EHMT1: variants seen among roughly 807,000 people sequenced by gnomAD.
EHMT1 encodes the protein euchromatic histone lysine methyltransferase 1, also known as histone-lysine N-methyltransferase EHMT1.
In EHMT1, 15 loss-of-function variants were observed where a neutral mutation model predicts 147.2. The ratio of observed to expected loss-of-function variants is 0.10; its 90% CI spans 0.07 to 0.16. The LOEUF is 0.16. Ranked by LOEUF, EHMT1 falls within the 10% of genes least tolerant of loss-of-function variation. The probability of loss-of-function intolerance (pLI) is 1.00; values close to 1 mark genes in which losing one functional copy is unlikely to be tolerated. For synonymous variants in EHMT1, 795 were observed against 709.6 expected (o/e 1.12, Z -1.91); for missense variants, 1,587 against 1,772.4 (o/e 0.90, Z 1.88).
intron 1 of EHMT1, chr9:137,676,540 ATT>A (rs1941344126): frequency 2.0e-5 from 3 of 152,216 alleles, no homozygotes; most frequent in Non-Finnish European, 2.9e-5. Flanking sequence ...TAATTTTTAC[ATT>A]ATCTGTAGAG....
intron 1 of EHMT1, among the ~76,000 whole-genome samples, chr9:137,636,718 C>T (rs889204000): frequency 6.6e-6 from 1 of 152,170 alleles, no homozygotes; most frequent in Non-Finnish European, 1.5e-5. Flanking sequence ...ACCAGCCCTG[C>T]GTTTCTGCCC....
intron 3 of EHMT1, among the ~76,000 whole-genome samples, chr9:137,728,105 T>C (rs768348358): frequency 6.6e-6 from 1 of 152,222 alleles, no homozygotes; most frequent in African/African-American, 2.4e-5. Context: ...CCTTTAGCCC[T>C]GTAAATGCTG....
chr9:137,718,779 G>A (rs544963342), intron 3 of EHMT1, among the ~76,000 whole-genome samples: 5 of 141,024 alleles, frequency 3.5e-5, no homozygotes, highest in East Asian at 2.0e-4. Context: ...TTTTTGAGAC[G>A]GAGTCTTGCT....
intron 1 of EHMT1, among the ~76,000 whole-genome samples, chr9:137,669,178 T>C (rs1027422702): frequency 6.6e-6 from 1 of 152,124 alleles, no homozygotes; most frequent in Non-Finnish European, 1.5e-5. Context: ...TGAGCCACTG[T>C]TCCCGGCCTA....
chr9:137,747,634 AAAG>A (rs1275854877), intron 6 of EHMT1: 2 of 152,236 alleles, frequency 1.3e-5, no homozygotes, highest in African/African-American at 2.4e-5. Context: ...TGTTTTTAAA[AAAG>A]GCATTTTATA....
rs1748061155 is a variant in EHMT1, at chr9:137,768,776, T to A, written c.1647+5956T>A. Among the ~76,000 whole-genome samples the A allele has an allele frequency of 2.0e-5, 3 of 151,524 alleles. No homozygotes were observed. The South Asian group carries it at 6.3e-4, about 32-fold the overall frequency. On this transcript the variant is annotated intron_variant, in intron 10 of 26. Transcript: ENST00000460843. ...GTTTTTAGCCGGGATGGTCTCGATCTCCTGACCTCGTGATCCGCCCGCCTC... is the reference window on the plus strand; with the variant it reads ...GTTTTTAGCCGGGATGGTCTCGATCACCTGACCTCGTGATCCGCCCGCCTC...
At chr9:137,619,882 T>A (rs935660304) in intron 1 of EHMT1, among the ~76,000 whole-genome samples, 2 of 151,990 alleles carry the variant, frequency 1.3e-5, no homozygotes, top group Non-Finnish European at 1.5e-5. Context: ...TCCGTGGAGA[T>A]GCAGAAATAG....
intron 1 of EHMT1, among the ~76,000 whole-genome samples, chr9:137,696,262 A>AG (rs1389167492): frequency 1.3e-5 from 2 of 152,186 alleles, no homozygotes; most frequent in Non-Finnish European, 2.9e-5. Context: ...GTTTAAAATT[A>AG]GGGGGCGGGT....
At chr9:137,634,868 A>ATTTT (rs781056803) in intron 1 of EHMT1, among the ~76,000 whole-genome samples, 8 of 92,074 alleles carry the variant, frequency 8.7e-5, no homozygotes, top group East Asian at 3.3e-4. Flanking sequence ...TGCCCAGCTA[A>ATTTT]TTTTTTTTTT....
intron 1 of EHMT1, among the ~76,000 whole-genome samples, chr9:137,696,501 T>TA (rs1229440762): frequency 6.6e-6 from 1 of 152,208 alleles, no homozygotes; most frequent in Non-Finnish European, 1.5e-5. Context: ...CACTGTTAGG[T>TA]AGAGAAGGCA....
At position 137,776,520 on chromosome 9, in the gene EHMT1, G is replaced by A. The variant is rs897371048; in HGVS notation, c.1792-98G>A. 25 of 1,253,360 alleles carry A rather than the reference G, an allele frequency of 2.0e-5. No homozygotes were observed. Among genetic ancestry groups the A allele is most frequent in the African/African-American group, 3.0e-5 (2 of 66,922 alleles). The allele number at this position is 1,253,360 out of a possible 1,614,324, so 77.6% of individuals were successfully genotyped here. The stretch of plus-strand genomic sequence containing the variant: ...CGACCCATGGCTCACTCTGCAGACC[G>A]CCCGATGTGGGATGCGGTGCCAGTT... On this transcript the variant is annotated intron_variant, in intron 11 of 26. Transcript: ENST00000460843. The surrounding 1 kb of genome is among the most constrained non-coding windows in gnomAD (Gnocchi z 4.4).
chr9:137,688,956 G>A (rs1036382845), intron 1 of EHMT1, among the ~76,000 whole-genome samples: 6 of 152,144 alleles, frequency 3.9e-5, no homozygotes, highest in African/African-American at 1.4e-4. Flanking sequence ...TGTCCTGATG[G>A]GAGTGGTGAG....
chr9:137,725,156 G>A (rs76765640), intron 3 of EHMT1, among the ~76,000 whole-genome samples: 1,748 of 149,404 alleles, frequency 0.012, 15 homozygotes, highest in Non-Finnish European at 0.018. Context: ...TGTGGCAGGC[G>A]TGTGGCATTC....
At chr9:137,807,195 C>T (rs12337724) in intron 18 of EHMT1, among the ~76,000 whole-genome samples, 5 of 152,096 alleles carry the variant, frequency 3.3e-5, no homozygotes, top group Non-Finnish European at 7.3e-5. Context: ...TGTAGGAGTT[C>T]TCAGAGTGGT....
intron 1 of EHMT1, among the ~76,000 whole-genome samples, chr9:137,627,838 T>C (rs1843369864): frequency 6.6e-6 from 1 of 150,588 alleles, no homozygotes; most frequent in Non-Finnish European, 1.5e-5. Context: ...CACCCCCAAG[T>C]AGCTGGGATT....
intron 25 of EHMT1, chr9:137,820,048 C>G (rs1955281921): frequency 6.6e-6 from 1 of 152,174 alleles, no homozygotes; most frequent in African/African-American, 2.4e-5. Flanking sequence ...CAGCAGCCAC[C>G]AGACCACGGA....
At chr9:137,728,930 T>C (rs1009401895) in intron 4 of EHMT1, among the ~76,000 whole-genome samples, 6 of 152,194 alleles carry the variant, frequency 3.9e-5, no homozygotes, top group Non-Finnish European at 5.9e-5. Context: ...CCAGCTGCTC[T>C]GCCACCAGCC....
At chr9:137,662,856 C>T (rs563431792) in intron 1 of EHMT1, among the ~76,000 whole-genome samples, 5 of 151,154 alleles carry the variant, frequency 3.3e-5, no homozygotes, top group Admixed American at 1.3e-4. Flanking sequence ...TGCAATGGTG[C>T]GATCTCTGCT....
chr9:137,707,319 C>G (rs1324388186), intron 1 of EHMT1, among the ~76,000 whole-genome samples: 1 of 152,218 alleles, frequency 6.6e-6, no homozygotes, highest in Non-Finnish European at 1.5e-5. Flanking sequence ...GGGAGAAAAC[C>G]TTCCCGAGCC....
Sources: gnomAD v4.1 joint callset for allele counts (sites outside exome capture counted in the v4.1 genomes callset) on GRCh38, gnomAD v4.1.1 for gene constraint, Gnocchi (gnomAD v3.1) non-coding constraint, MANE v1.5 for transcripts, NCBI Gene and HGNC (gene_info 2026-07-23, HGNC 2026-07-21) for gene names.